The following GPRIN1 variants were observed in gnomAD, a reference collection of about 807,000 sequenced individuals.
GPRIN1 encodes G protein-regulated inducer of neurite outgrowth 1.
GPRIN1 carries 4 observed loss-of-function variants against 2.8 expected under a neutral mutation model. The observed-to-expected ratio is 1.45, with a 90% CI of 0.71 to 3.32. GPRIN1 has a LOEUF of 3.32. Ranked by LOEUF, GPRIN1 falls within the 30% of genes most tolerant of loss-of-function variation. The pLI, the probability that GPRIN1 is intolerant of heterozygous loss-of-function variation, is 0.01. For synonymous variants in GPRIN1, 589 were observed against 589.9 expected, an observed-to-expected ratio of 1.00 and a Z score of 0.02; for missense variants, 1,322 against 1,343.4, an observed-to-expected ratio of 0.98 and a Z score of 0.25.
intron 1 of GPRIN1, among the ~76,000 whole-genome samples, chr5:176,608,508 T>C (rs531799150): frequency 3.5e-4 from 54 of 152,332 alleles, no homozygotes; most frequent in Middle Eastern, 3.4e-3. Flanking sequence ...TGTGGATGTA[T>C]GTACCAGCTT....
intron 1 of GPRIN1, among the ~76,000 whole-genome samples, chr5:176,603,738 C>T (rs7712979): frequency 1.3e-5 from 2 of 152,126 alleles, no homozygotes; most frequent in South Asian, 2.1e-4. Flanking sequence ...GGTTGGAATT[C>T]GTGGGATCAC....
chr5:176,598,767 T>C lies in GPRIN1; in HGVS notation c.1068A>G (p.Ala356=). 1 of 1,613,600 alleles carries C rather than the reference T, an allele frequency of 6.2e-7. No individual in the cohort carries two copies. Among genetic ancestry groups the C allele is most frequent in the Non-Finnish European group, 8.5e-7 (1 of 1,180,038 alleles). Residue 356 remains alanine (A), a synonymous_variant, in exon 2 of 2, where the codon GCA becomes GCG. Coordinates refer to ENST00000303991, the MANE Select transcript of GPRIN1 (RefSeq NM_052899.3). ...GCACAGTTTCTACATTTCCCACAGA[T>C]GCGGGATCTGCCATCCCCAAGCATG... The part of the protein sequence containing the change: ...DPTCLGMADP[A]SVGNVETVPA...
In GPRIN1 at chr5:176,598,937, T is replaced by C. The variant is rs6556276; in HGVS notation, c.898A>G (p.Met300Val). 1 allele frequency: 1,613,506 copies of C among 1,614,200 alleles called. 806,409 individuals are homozygous for C. The highest frequency in any genetic ancestry group is 1 in the Middle Eastern group (6,062 of 6,062). The change falls in exon 2 of 2, where the codon ATG becomes GTG. Residue 300 changes from methionine (M) to valine (V), a missense_variant. By Grantham distance (21) the Met-to-Val change is conservative. Coordinates refer to ENST00000303991, the MANE Select transcript of GPRIN1 (RefSeq NM_052899.3). ...DPGPSGKADP[M>V]PLESMDSAST... ...GCAGAATCCATGCTTTCCAAGGGCA[T>C]GGGATCTGCCTTTCCCGAGGGCCCA...
chr5:176,609,408 TG>T (rs1306796163), intron 1 of GPRIN1, among the ~76,000 whole-genome samples: 1 of 152,108 alleles, frequency 6.6e-6, no homozygotes, highest in African/African-American at 2.4e-5. Flanking sequence ...ATGAGTCTAA[TG>T]GAATGACCAA....
In GPRIN1 at chr5:176,598,321, G is replaced by C; in HGVS notation, c.1514C>G (p.Pro505Arg). 2 of 1,613,764 alleles carry C rather than the reference G, an allele frequency of 1.2e-6. No individual in the cohort carries two copies. The change falls in exon 2 of 2, where the codon CCC becomes CGC. Residue 505 changes from proline to arginine, a missense_variant. By Grantham distance (103) the Pro-to-Arg change is moderately radical. Transcript: ENST00000303991. ...GDPRSLGTAG[P>R]PSAVKAEPAT... ...TGGCTCAGCCTTTACTGCAGATGGG[G>C]GACCTGCTGTCCCCAAGGACCTGGG... is the stretch of plus-strand genomic sequence containing the variant.
chr5:176,608,132 C>G (rs1759251033), intron 1 of GPRIN1, among the ~76,000 whole-genome samples: 1 of 151,942 alleles, frequency 6.6e-6, no homozygotes, highest in South Asian at 2.1e-4. Context: ...GTTGCCCAAG[C>G]TTGTCTCAAA....
rs1351676411 is a variant in GPRIN1, at chr5:176,603,429, T to C, written c.-43-3552A>G. Among the ~76,000 whole-genome samples, 3 of 152,180 alleles carry C rather than the reference T, an allele frequency of 2.0e-5. No homozygotes were observed. The East Asian group carries it at 5.8e-4, about 29-fold the overall frequency. ...GGGGATTCCTGTAGCCTCTCGTTCC[T>C]CCTCTAACAAGGCTCATGTCACTCT... is the stretch of plus-strand genomic sequence containing the variant. On this transcript the variant is annotated intron_variant, in intron 1 of 1. Coordinates refer to ENST00000303991, the MANE Select transcript of GPRIN1 (RefSeq NM_052899.3).
At position 176,596,986 on chromosome 5, in the gene GPRIN1, C is replaced by T. The variant is rs557794837; in HGVS notation, c.2849G>A (p.Gly950Asp). The T allele has an allele frequency of 1.4e-6, 2 of 1,396,816 alleles. No individual in the cohort carries two copies. The highest frequency in any genetic ancestry group is 1.5e-5 in the African/African-American group (1 of 67,960). 86.5% of individuals were successfully genotyped at this position (1,396,816 alleles called of 1,614,324 possible). ...KHLERQIEEH[G>D]RQGAPAPPPA... ...CGGCGGCGCGGGCGCCCCTTGGCGGCCGTGCTCCTCGATCTGTCGCTCCAG... is the reference window on the plus strand; with the variant it reads ...CGGCGGCGCGGGCGCCCCTTGGCGGTCGTGCTCCTCGATCTGTCGCTCCAG... Residue 950 changes from glycine to aspartate, a missense_variant, in exon 2 of 2, where the codon GGC becomes GAC. This residue lies in a region of GPRIN1 where 196 missense variants were observed against 189.2 expected (regional missense o/e 1.04). Coordinates refer to ENST00000303991, the MANE Select transcript of GPRIN1 (RefSeq NM_052899.3). This position sits in a 1 kb window ranked among gnomAD's most constrained non-coding sequence, Gnocchi z 5.2.
Position 176,597,963 on chromosome 5 carries a change from GGGATCCGCCTTTGT to G in GPRIN1, c.1858_1871del (p.Thr620GlnfsTer121). The stretch of plus-strand genomic sequence containing the variant: ...GCGGCTGTGCTTTCCCCGAGGCCCT[GGGATCCGCCTTTGT>G]GGTGGTAACAGGACTCCCCTTCTCT... On this transcript the variant is annotated frameshift_variant, in exon 2 of 2. Transcript: ENST00000303991. LOFTEE classifies it low-confidence loss of function (END_TRUNC). This position sits in a 1 kb window ranked among gnomAD's most constrained non-coding sequence, Gnocchi z 6.1. 2 of 1,613,974 alleles carry G rather than the reference GGGATCCGCCTTTGT, an allele frequency of 1.2e-6. No individual in the cohort carries two copies. The highest frequency in any genetic ancestry group is 1.7e-6 in the Non-Finnish European group (2 of 1,180,006).
Position 176,598,358 on chromosome 5 carries a change from C to T in GPRIN1, c.1477G>A (p.Gly493Ser). ...CCCAAGGACCTGGGATCGCCTGGAC[C>T]TGAAGACACAGGGTTTGTCTTTCCT... The part of the protein sequence containing the change: ...SSGKTNPVSS[G>S]PGDPRSLGTA... Residue 493 changes from glycine to serine, a missense_variant, in exon 2 of 2, where the codon GGT becomes AGT. This residue lies in a region of GPRIN1 where 1,117 missense variants were observed against 1,128.6 expected (regional missense o/e 0.99). Transcript: ENST00000303991. 1 of 1,613,870 alleles carries T rather than the reference C, an allele frequency of 6.2e-7. No individual in the cohort carries two copies. The highest frequency in any genetic ancestry group is 8.5e-7 in the Non-Finnish European group (1 of 1,179,816).
chr5:176,597,274 C>T lies in GPRIN1; in HGVS notation c.2561G>A (p.Arg854His), dbSNP rs2113345440. The T allele has an allele frequency of 4.0e-6, 5 of 1,238,332 alleles. No homozygotes were observed. In the East Asian group the frequency reaches 1.6e-4, roughly 40 times the overall value. The allele number at this position is 1,238,332 out of a possible 1,614,324, so 76.7% of individuals were successfully genotyped here. A position where few individuals can be genotyped will look rare whatever the true frequency, so the allele number is the denominator to read the frequency against. The change falls in exon 2 of 2, where the codon CGC becomes CAC. Residue 854 changes from arginine to histidine, a missense_variant. Arg to His is a conservative substitution (Grantham distance 29). This residue lies in a region of GPRIN1 where 1,117 missense variants were observed against 1,128.6 expected (regional missense o/e 0.99). Transcript: ENST00000303991. This position sits in a 1 kb window ranked among gnomAD's most constrained non-coding sequence, Gnocchi z 6.1. ...CGACACCTGCAGGCCCGCATCTCGG[C>T]GCGAGGGCGGGCTGGGCGCGCGCGG... is the stretch of plus-strand genomic sequence containing the variant. ...AAPRAPSPPS[R>H]RDAGLQVSLG...
chr5:176,603,022 G>T (rs182040146), intron 1 of GPRIN1, among the ~76,000 whole-genome samples: 2 of 152,232 alleles, frequency 1.3e-5, no homozygotes, highest in East Asian at 3.9e-4. Context: ...GGTGGGAGAA[G>T]CTTTTCTTTG....
chr5:176,598,963 G>A lies in GPRIN1; in HGVS notation c.872C>T (p.Pro291Leu). The change falls in exon 2 of 2, where the codon CCT (proline) becomes CTT (leucine). Residue 291 changes from proline to leucine, a missense_variant. Around this residue, in one of 3 missense-constraint regions of GPRIN1, gnomAD observed 1,117 missense variants for 1,128.6 expected, o/e 0.99. Coordinates refer to ENST00000303991, the MANE Select transcript of GPRIN1 (RefSeq NM_052899.3). Reference sequence around the variant, plus strand: ...GGGATCTGCCTTTCCCGAGGGCCCAGGATCTCTCTTTCCCGACAATACAAG... The same window carrying A: ...GGGATCTGCCTTTCCCGAGGGCCCAAGATCTCTCTTTCCCGACAATACAAG... Reference protein sequence around the residue: ...VDLVLSGKRDPGPSGKADPMP... With the variant: ...VDLVLSGKRDLGPSGKADPMP... 1.2e-6 allele frequency: 2 copies of A among 1,614,170 alleles called. No homozygotes were observed. Among genetic ancestry groups the A allele is most frequent in the Non-Finnish European group, 8.5e-7 (1 of 1,180,012 alleles).
chr5:176,607,903 CTTTTTTTTTTTTT>C (rs35368228), intron 1 of GPRIN1, among the ~76,000 whole-genome samples: 870 of 67,248 alleles, frequency 0.013, 1 homozygote, highest in Middle Eastern at 0.024. Flanking sequence ...ACACTTGGCT[CTTTTTTTTTTTTT>C]TTTTTTTTTT....
In GPRIN1 at chr5:176,598,626, T is replaced by C. The variant is rs775020605; in HGVS notation, c.1209A>G (p.Thr403=). The C allele has an allele frequency of 1.5e-5, 25 of 1,614,184 alleles. No individual in the cohort carries two copies. In the Admixed American group the frequency reaches 3.2e-4, roughly 20 times the overall value. Residue 403 remains threonine, a synonymous_variant, in exon 2 of 2, where the codon ACA becomes ACG. Coordinates refer to ENST00000303991, the MANE Select transcript of GPRIN1 (RefSeq NM_052899.3). ...ACATGGGATCCACATTTTTCAAAGA[T>C]GTGAGATCTGTCTTTGCTGAAGCCG... ...DTTASAKTDL[T]SLKNVDPMSS...
chr5:176,597,686 T>C lies in GPRIN1; in HGVS notation c.2149A>G (p.Lys717Glu). 6.3e-7 allele frequency: 1 copy of C among 1,595,814 alleles called. No homozygotes were observed. Among genetic ancestry groups the C allele is most frequent in the Middle Eastern group, 1.7e-4 (1 of 5,978 alleles). Residue 717 changes from lysine (K) to glutamate (E), a missense_variant, in exon 2 of 2, where the codon AAG (lysine) becomes GAG (glutamate). Lys to Glu is a moderately conservative substitution (Grantham distance 56). Around this residue, in one of 3 missense-constraint regions of GPRIN1, gnomAD observed 1,117 missense variants for 1,128.6 expected, o/e 0.99. Coordinates refer to ENST00000303991, the MANE Select transcript of GPRIN1 (RefSeq NM_052899.3). The surrounding 1 kb of genome is among the most constrained non-coding windows in gnomAD (Gnocchi z 6.1). Reference protein sequence around the residue: ...LGKVVPLSLEKTKPSSSSRQL... With the variant: ...LGKVVPLSLEETKPSSSSRQL... Reference sequence around the variant, plus strand: ...CTGGAGGAGGAGGACGGCTTGGTCTTCTCCAGACTCAGGGGGACCACCTTC... The same window carrying C: ...CTGGAGGAGGAGGACGGCTTGGTCTCCTCCAGACTCAGGGGGACCACCTTC...
Position 176,598,316 on chromosome 5 carries a change from A to G in GPRIN1, c.1519T>C (p.Ser507Pro), listed in dbSNP as rs773510786. 3.7e-6 allele frequency: 6 copies of G among 1,613,720 alleles called. No homozygotes were observed. In the South Asian group the frequency reaches 6.6e-5, roughly 18 times the overall value. ...GTCGCTGGCTCAGCCTTTACTGCAG[A>G]TGGGGGACCTGCTGTCCCCAAGGAC... ...PRSLGTAGPPSAVKAEPATGG... is the reference protein window; with the variant it reads ...PRSLGTAGPPPAVKAEPATGG... The change falls in exon 2 of 2, where the codon TCT becomes CCT. Residue 507 changes from serine to proline, a missense_variant. By Grantham distance (74) the Ser-to-Pro change is moderately conservative. Coordinates refer to ENST00000303991, the MANE Select transcript of GPRIN1 (RefSeq NM_052899.3).
chr5:176,605,741 C>T (rs1026733695), intron 1 of GPRIN1, among the ~76,000 whole-genome samples: 1 of 152,028 alleles, frequency 6.6e-6, no homozygotes, highest in African/African-American at 2.4e-5. Flanking sequence ...AGGAGGATCT[C>T]TTGAGTCCAG....
At chr5:176,609,752 G>T (rs1377774131) in intron 1 of GPRIN1, among the ~76,000 whole-genome samples, 16 of 151,614 alleles carry the variant, frequency 1.1e-4, no homozygotes, top group Admixed American at 6.6e-5. Flanking sequence ...TCTGATGTTC[G>T]GCCCAGGGCT....
Sources: gnomAD v4.1 joint callset for allele counts (sites outside exome capture counted in the v4.1 genomes callset) on GRCh38, gnomAD v4.1.1 for gene constraint, gnomAD v4.1.1 regional missense constraint, Gnocchi (gnomAD v3.1) non-coding constraint, MANE v1.5 for transcripts, NCBI Gene and HGNC (gene_info 2026-07-23, HGNC 2026-07-21) for gene names.